The following GJB7 variants were observed in gnomAD, a reference collection of about 807,000 sequenced individuals.
The protein encoded by GJB7 is gap junction protein beta 7.
For missense variants in GJB7, 253 were observed against 256.8 expected, an observed-to-expected ratio of 0.99 and a Z score of 0.10; for synonymous variants, 87 against 95.2, an observed-to-expected ratio of 0.91 and a Z score of 0.50.
intron 2 of GJB7, among the ~76,000 whole-genome samples, chr6:87,298,125 G>A (rs1776271103): frequency 6.6e-6 from 1 of 152,192 alleles, no homozygotes; most frequent in Non-Finnish European, 1.5e-5. Context: ...CAGATTTGTG[G>A]CCAATCAATC....
chr6:87,327,866 A>G (rs1776868738), intron 1 of GJB7, among the ~76,000 whole-genome samples: 1 of 149,472 alleles, frequency 6.7e-6, no homozygotes, highest in South Asian at 2.1e-4. Context: ...ACTTGGTTCC[A>G]TTCTCCCCGT....
At chr6:87,310,783 G>A (rs916008076) in intron 2 of GJB7, among the ~76,000 whole-genome samples, 2 of 152,104 alleles carry the variant, frequency 1.3e-5, no homozygotes, top group African/African-American at 2.4e-5. Context: ...GATACTAATC[G>A]CCAAAATATT....
chr6:87,302,765 G>A (rs1384078316), intron 2 of GJB7, among the ~76,000 whole-genome samples: 1 of 152,152 alleles, frequency 6.6e-6, no homozygotes, highest in Non-Finnish European at 1.5e-5. Flanking sequence ...AAAATGTTAA[G>A]GGCAGCCAGA....
intron 1 of GJB7, among the ~76,000 whole-genome samples, chr6:87,328,811 C>G (rs972617530): frequency 2.0e-5 from 3 of 152,234 alleles, no homozygotes; most frequent in African/African-American, 7.2e-5. Flanking sequence ...CTTTGTTTAC[C>G]TAAGCAAGCC....
chr6:87,322,704 C>G (rs976346152), intron 2 of GJB7, 162 bp downstream of exon 2: 1 of 152,220 alleles, frequency 6.6e-6, no homozygotes, highest in Non-Finnish European at 1.5e-5. Context: ...CGCACCATCA[C>G]GCTCCCGTCT....
chr6:87,316,213 C>T (rs1023102960), intron 2 of GJB7, among the ~76,000 whole-genome samples: 23 of 152,186 alleles, frequency 1.5e-4, no homozygotes, highest in African/African-American at 5.3e-4. Flanking sequence ...TTCCTATCAA[C>T]TCCTATGCTA....
chr6:87,309,330 A>G (rs1582564655), intron 2 of GJB7, among the ~76,000 whole-genome samples: 1 of 152,228 alleles, frequency 6.6e-6, no homozygotes, highest in Non-Finnish European at 1.5e-5. Flanking sequence ...CAAATGTTTC[A>G]GTTCTTCCTT....
chr6:87,324,766 TC>T (rs1340344011), intron 1 of GJB7, among the ~76,000 whole-genome samples: 2 of 152,176 alleles, frequency 1.3e-5, no homozygotes, highest in African/African-American at 4.8e-5. Flanking sequence ...CTTTTTTGGT[TC>T]CATATGAACT....
At chr6:87,317,896 AAC>A (rs1237857616) in intron 2 of GJB7, among the ~76,000 whole-genome samples, 1 of 152,158 alleles carries the variant, frequency 6.6e-6, no homozygotes, top group Non-Finnish European at 1.5e-5. Flanking sequence ...TCAAAAGAAG[AAC>A]AGTTAGAATT....
intron 2 of GJB7, among the ~76,000 whole-genome samples, chr6:87,287,432 A>C (rs972594607): frequency 6.6e-6 from 1 of 152,226 alleles, no homozygotes; most frequent in African/African-American, 2.4e-5. Context: ...GCAAGCCCAC[A>C]TTCCAGAGCC....
chr6:87,310,341 A>C (rs1482965492), intron 2 of GJB7, among the ~76,000 whole-genome samples: 2 of 152,212 alleles, frequency 1.3e-5, no homozygotes, highest in Non-Finnish European at 2.9e-5. Context: ...TGATAACTTG[A>C]ATTTCATTAA....
At chr6:87,307,184 T>A (rs553707484) in intron 2 of GJB7, among the ~76,000 whole-genome samples, 144 of 144,494 alleles carry the variant, frequency 1.0e-3, no homozygotes, top group Middle Eastern at 3.5e-3. Context: ...TAATAAAATT[T>A]AAAAAAAAAT....
intron 2 of GJB7, among the ~76,000 whole-genome samples, chr6:87,301,729 TC>T (rs1776330482): frequency 6.6e-6 from 1 of 152,214 alleles, no homozygotes; most frequent in Admixed American, 6.5e-5. Context: ...ACAGACTGCT[TC>T]CTCAAGTGGG....
chr6:87,302,998 G>C (rs1282888450), intron 2 of GJB7, among the ~76,000 whole-genome samples: 1 of 152,144 alleles, frequency 6.6e-6, no homozygotes, highest in Non-Finnish European at 1.5e-5. Flanking sequence ...GTCACCACCA[G>C]GCCTGCTCTA....
intron 2 of GJB7, among the ~76,000 whole-genome samples, chr6:87,301,600 G>A (rs558672096): frequency 6.6e-5 from 10 of 152,312 alleles, no homozygotes; most frequent in Admixed American, 6.5e-4. Flanking sequence ...TCCCCCTCTG[G>A]AGGGGAAGGT....
At chr6:87,288,263 T>G (rs1776098851) in intron 2 of GJB7, among the ~76,000 whole-genome samples, 1 of 152,128 alleles carries the variant, frequency 6.6e-6, no homozygotes, top group African/African-American at 2.4e-5. Context: ...ATATACAAAA[T>G]TAAATCTGAA....
At chr6:87,295,323 T>C (rs1212607577) in intron 2 of GJB7, among the ~76,000 whole-genome samples, 1 of 152,120 alleles carries the variant, frequency 6.6e-6, no homozygotes, top group Non-Finnish European at 1.5e-5. Context: ...TAGTAGGAGA[T>C]TATTTGTAGC....
rs181387615 is a variant in GJB7, at chr6:87,298,084, G to A, written c.-27-13145C>T. Among the ~76,000 whole-genome samples, 769 of 152,324 alleles carry A rather than the reference G, an allele frequency of 5.0e-3. 4 individuals are homozygous for A. The highest frequency in any genetic ancestry group is 0.011 in the South Asian group (51 of 4,834). ...CTGGAGTCAGAGACAGAATCAAAGG[G>A]AATGGAGGGCTCTCCTCCTATTGGC... On this transcript the variant is annotated intron_variant, in intron 2 of 2. Transcript: ENST00000525899.
intron 2 of GJB7, among the ~76,000 whole-genome samples, chr6:87,297,330 G>A (rs1027949236): frequency 1.3e-5 from 2 of 152,228 alleles, no homozygotes; most frequent in African/African-American, 4.8e-5. Context: ...CAAAGGAGCA[G>A]AGATCAATGT....
Sources: gnomAD v4.1 joint callset for allele counts (sites outside exome capture counted in the v4.1 genomes callset) on GRCh38, gnomAD v4.1.1 for gene constraint, MANE v1.5 for transcripts, NCBI Gene and HGNC (gene_info 2026-07-23, HGNC 2026-07-21) for gene names.